Variants in CDH18 observed in about 807,000 individuals in gnomAD.
The protein encoded by CDH18 is cadherin 18, also known as cadherin-18.
A neutral mutation model predicts 67.9 loss-of-function variants in CDH18; 31 were observed. The observed-to-expected ratio is 0.46, with a 90% CI of 0.34 to 0.62. CDH18 has a LOEUF of 0.62. CDH18 is among the 20% of genes least tolerant of loss of function. CDH18 has a pLI of 0.01. For synonymous variants in CDH18, 362 were observed against 347.2 expected, an observed-to-expected ratio of 1.04 and a Z score of -0.48; for missense variants, 890 against 975.5, an observed-to-expected ratio of 0.91 and a Z score of 1.17.
intron 5 of CDH18, among the ~76,000 whole-genome samples, chr5:19,704,047 A>G (rs181091581): frequency 6.6e-6 from 1 of 152,324 alleles, no homozygotes; most frequent in East Asian, 1.9e-4. Flanking sequence ...GGTATAGCAC[A>G]GCTCCTGATT....
At chr5:20,109,965 T>C (rs1214640488) in intron 2 of CDH18, among the ~76,000 whole-genome samples, 1 of 152,216 alleles carries the variant, frequency 6.6e-6, no homozygotes, top group East Asian at 1.9e-4. Context: ...TTTAATGTTA[T>C]TGTATTAAGG....
chr5:20,326,953 A>T (rs1020605304), intron 1 of CDH18, among the ~76,000 whole-genome samples: 1 of 152,230 alleles, frequency 6.6e-6, no homozygotes, highest in Admixed American at 6.5e-5. Flanking sequence ...AGAGAGTGTC[A>T]TAGACGGGTG....
intron 1 of CDH18, among the ~76,000 whole-genome samples, chr5:20,458,636 C>CA (rs1233354336): frequency 3.3e-5 from 5 of 151,874 alleles, no homozygotes; most frequent in African/African-American, 1.2e-4. Context: ...ACAACAAGAA[C>CA]AACAAAAAAC....
At chr5:20,246,664 T>C (rs1743403876) in intron 2 of CDH18, among the ~76,000 whole-genome samples, 1 of 152,200 alleles carries the variant, frequency 6.6e-6, no homozygotes, top group African/African-American at 2.4e-5. Flanking sequence ...GATGCATTTA[T>C]GGGTGAATAA....
chr5:19,975,241 C>T (rs974907900), intron 2 of CDH18, among the ~76,000 whole-genome samples: 13 of 151,948 alleles, frequency 8.6e-5, no homozygotes, highest in African/African-American at 1.2e-4. Context: ...GTCTCCACAT[C>T]GTACTTAATA....
In CDH18 at chr5:20,377,196, G is replaced by T. The variant is rs10054722; in HGVS notation, c.-579-121691C>A. On this transcript the variant is annotated intron_variant, in intron 1 of 14. Transcript: ENST00000507958. The stretch of plus-strand genomic sequence containing the variant: ...TGTCTGCCAATAGAATTTTGATGGT[G>T]TACTGAATAACAATAACTCAGAATT... 2.5e-3 allele frequency among the ~76,000 whole-genome samples: 385 copies of T among 152,000 alleles called. 3 individuals carry two copies. Among genetic ancestry groups the T allele is most frequent in the African/African-American group, 9.1e-3 (376 of 41,440 alleles).
chr5:19,777,229 G>A (rs1400210428), intron 3 of CDH18, among the ~76,000 whole-genome samples: 1 of 152,160 alleles, frequency 6.6e-6, no homozygotes, highest in South Asian at 2.1e-4. Flanking sequence ...GCAGTGAGCC[G>A]AGATCGCATC....
At chr5:20,029,177 G>T (rs886293625) in intron 2 of CDH18, among the ~76,000 whole-genome samples, 2 of 152,072 alleles carry the variant, frequency 1.3e-5, no homozygotes, top group African/African-American at 4.8e-5. Flanking sequence ...GTTCCTAATA[G>T]AGTAGGTTGT....
At chr5:20,502,908 T>C (rs975432996) in intron 1 of CDH18, among the ~76,000 whole-genome samples, 1 of 152,134 alleles carries the variant, frequency 6.6e-6, no homozygotes. Context: ...AGGAGCTTAA[T>C]AGGCACCTCA....
At chr5:20,266,190 T>C (rs1745017989) in intron 1 of CDH18, among the ~76,000 whole-genome samples, 1 of 152,184 alleles carries the variant, frequency 6.6e-6, no homozygotes, top group Non-Finnish European at 1.5e-5. Flanking sequence ...GCCTCCATAA[T>C]TGAGTGAGTC....
chr5:19,669,643 G>GT (rs1423792919), intron 5 of CDH18, among the ~76,000 whole-genome samples: 1 of 152,046 alleles, frequency 6.6e-6, no homozygotes, highest in Non-Finnish European at 1.5e-5. Context: ...GGCAACATTT[G>GT]TTACTGGAAA....
chr5:20,399,082 C>A (rs906609058), intron 1 of CDH18, among the ~76,000 whole-genome samples: 4 of 152,024 alleles, frequency 2.6e-5, no homozygotes, highest in African/African-American at 9.7e-5. Context: ...ATGAAATGAA[C>A]CATGGAAAGT....
chr5:20,040,407 GAAC>G (rs1284930568), intron 2 of CDH18, among the ~76,000 whole-genome samples: 2 of 152,050 alleles, frequency 1.3e-5, no homozygotes, highest in East Asian at 3.9e-4. Context: ...GTTTATAAGT[GAAC>G]AACTAAAATA....
intron 2 of CDH18, among the ~76,000 whole-genome samples, chr5:20,079,224 C>T (rs989313029): frequency 6.6e-6 from 1 of 152,096 alleles, no homozygotes; most frequent in African/African-American, 2.4e-5. Context: ...CCATCCAACC[C>T]CACACTGCAG....
intron 4 of CDH18, among the ~76,000 whole-genome samples, chr5:19,737,446 T>A (rs1768493223): frequency 6.6e-6 from 1 of 152,188 alleles, no homozygotes; most frequent in Non-Finnish European, 1.5e-5. Context: ...ATAAACCTGG[T>A]CATTTTGTAT....
intron 2 of CDH18, among the ~76,000 whole-genome samples, chr5:19,880,694 C>T (rs528042266): frequency 6.6e-6 from 1 of 152,230 alleles, no homozygotes; most frequent in South Asian, 2.1e-4. Context: ...CTGAAGGGCA[C>T]ATTAAATAGC....
chr5:20,241,671 G>A (rs1432622023), intron 2 of CDH18, among the ~76,000 whole-genome samples: 2 of 151,856 alleles, frequency 1.3e-5, no homozygotes, highest in South Asian at 4.2e-4. Flanking sequence ...CTAATATGGT[G>A]AAACCCCATC....
chr5:20,558,828 G>T (rs972478186), intron 1 of CDH18, among the ~76,000 whole-genome samples: 1 of 152,036 alleles, frequency 6.6e-6, no homozygotes, highest in African/African-American at 2.4e-5. Context: ...TAAACTGAAA[G>T]GGATTTTATA....
At chr5:19,758,465 C>T (rs760068482) in intron 3 of CDH18, among the ~76,000 whole-genome samples, 2 of 152,210 alleles carry the variant, frequency 1.3e-5, no homozygotes, top group South Asian at 2.1e-4. Flanking sequence ...CCTCAAGCAC[C>T]GTTGGATCTA....
Sources: allele counts gnomAD v4.1 joint callset (sites outside exome capture counted in the v4.1 genomes callset), GRCh38; gene constraint gnomAD v4.1.1; transcripts MANE v1.5; gene names NCBI Gene and HGNC (gene_info 2026-07-23, HGNC 2026-07-21).